Variants in ALMS1 observed in about 807,000 individuals in gnomAD.
The protein encoded by ALMS1 is centrosome-associated protein ALMS1.
Under a neutral mutation model 352.2 loss-of-function variants are expected in ALMS1, and 271 were observed. The observed-to-expected ratio is 0.77, with a 90% CI of 0.70 to 0.85. ALMS1 has a LOEUF of 0.85. ALMS1 is among the 40% of genes least tolerant of loss of function. The pLI, the probability that ALMS1 is intolerant of heterozygous loss-of-function variation, is 0.00. For missense variants in ALMS1, 5,445 were observed against 4,870.7 expected, an observed-to-expected ratio of 1.12 and a Z score of -3.51; for synonymous variants, 1,865 against 1,761.2, an observed-to-expected ratio of 1.06 and a Z score of -1.48.
chr2:73,553,586 T>C (rs907948530), intron 13 of ALMS1, among the ~76,000 whole-genome samples: 2 of 152,160 alleles, frequency 1.3e-5, no homozygotes, highest in African/African-American at 4.8e-5. Context: ...AAAGCAGAAG[T>C]TTGTAATAGA....
At chr2:73,495,154 T>G (rs1028969341) in intron 10 of ALMS1, among the ~76,000 whole-genome samples, 2 of 152,186 alleles carry the variant, frequency 1.3e-5, no homozygotes, top group African/African-American at 2.4e-5. Flanking sequence ...TAGAGCACTT[T>G]TAGGTTGGCT....
chr2:73,388,294 T>G (rs1343234161), intron 1 of ALMS1, among the ~76,000 whole-genome samples: 1 of 152,182 alleles, frequency 6.6e-6, no homozygotes, highest in African/African-American at 2.4e-5. Context: ...AATTTTAGAT[T>G]TGGGGGTACA....
chr2:73,439,451 A>G (rs1052347466), intron 7 of ALMS1, among the ~76,000 whole-genome samples: 34 of 151,902 alleles, frequency 2.2e-4, no homozygotes, highest in African/African-American at 7.5e-4. Context: ...CAACCTTACT[A>G]TGTCATTATG....
Position 73,451,724 on chromosome 2 carries a change from C to G in ALMS1, c.5197C>G (p.Gln1733Glu), listed in dbSNP as rs750136202. ...GGCCCTGCCAGACAGTGAGCTAACT[C>G]AAGAAGCTCTGAAAGTTTCAGCTGT... ...QQALPDSELT[Q>E]EALKVSAVPQ... The change falls in exon 8 of 23, where the codon CAA becomes GAA. Residue 1733 changes from glutamine (Q) to glutamate (E), a missense_variant. Transcript: ENST00000613296. 6.2e-7 allele frequency: 1 copy of G among 1,613,668 alleles called. No homozygotes were observed. The highest frequency in any genetic ancestry group is 1.7e-5 in the Admixed American group (1 of 59,980).
intron 9 of ALMS1, among the ~76,000 whole-genome samples, chr2:73,482,822 G>A (rs1429591955): frequency 2.6e-5 from 4 of 151,036 alleles, no homozygotes; most frequent in Non-Finnish European, 5.9e-5. Flanking sequence ...TGTATGTGTC[G>A]AGGAATTTAT....
intron 15 of ALMS1, among the ~76,000 whole-genome samples, chr2:73,569,278 G>A (rs994058270): frequency 2.0e-5 from 3 of 151,962 alleles, no homozygotes; most frequent in African/African-American, 4.8e-5. Flanking sequence ...GCCTTCCAAA[G>A]TGCTGGGATT....
chr2:73,515,517 A>G (rs1397545682), intron 10 of ALMS1, among the ~76,000 whole-genome samples: 2 of 152,092 alleles, frequency 1.3e-5, no homozygotes, highest in Non-Finnish European at 2.9e-5. Context: ...ATTTGCATCT[A>G]GAGGGACTAG....
chr2:73,557,149 G>C (rs1290903051), intron 13 of ALMS1, 71 bp from the exon 14 acceptor site: 1 of 1,596,904 alleles, frequency 6.3e-7, no homozygotes, highest in Non-Finnish European at 8.6e-7. Context: ...TTGTAATTGT[G>C]GGGGAGGATT....
intron 12 of ALMS1, among the ~76,000 whole-genome samples, chr2:73,536,395 T>C (rs1167150072): frequency 6.6e-6 from 1 of 152,100 alleles, no homozygotes; most frequent in East Asian, 1.9e-4. Flanking sequence ...ACTGGCACAC[T>C]GTATCCTGAT....
intron 10 of ALMS1, among the ~76,000 whole-genome samples, chr2:73,512,569 A>C (rs1673475103): frequency 6.6e-6 from 1 of 151,680 alleles, no homozygotes; most frequent in Non-Finnish European, 1.5e-5. Context: ...TTTACTGTTG[A>C]ATTTAGAGAA....
intron 21 of ALMS1, among the ~76,000 whole-genome samples, chr2:73,605,528 T>G (rs1675797307): frequency 6.6e-6 from 1 of 152,208 alleles, no homozygotes; most frequent in Non-Finnish European, 1.5e-5. Context: ...GTTTTCAGAT[T>G]CCACCTTGCA....
At chr2:73,463,780 C>A (rs540975807) in intron 9 of ALMS1, among the ~76,000 whole-genome samples, 2 of 144,080 alleles carry the variant, frequency 1.4e-5, no homozygotes, top group South Asian at 4.7e-4. Context: ...ACCGATCCCA[C>A]AGAAATACAA....
rs749176046 is a variant in ALMS1, at chr2:73,609,636, C to T, written c.*24C>T. On this transcript the variant is annotated 3_prime_UTR_variant, in exon 23 of 23. Transcript: ENST00000613296. ...GACACAAGTTTATTTTCCTCAGAGC[C>T]TTGGAATTCTATTTTATGAACCTAG... is the stretch of plus-strand genomic sequence containing the variant. The T allele has an allele frequency of 1.9e-6, 3 of 1,611,116 alleles. No individual in the cohort carries two copies. In the South Asian group the frequency reaches 3.3e-5, roughly 18 times the overall value.
At chr2:73,544,910 G>A (rs1674280413) in intron 12 of ALMS1, among the ~76,000 whole-genome samples, 1 of 152,182 alleles carries the variant, frequency 6.6e-6, no homozygotes, top group African/African-American at 2.4e-5. Context: ...CTACAACATG[G>A]ATGAACTCTG....
chr2:73,463,935 G>C (rs1672265924), intron 9 of ALMS1, among the ~76,000 whole-genome samples: 1 of 152,164 alleles, frequency 6.6e-6, no homozygotes, highest in African/African-American at 2.4e-5. Context: ...AACAGGATCT[G>C]AAATTGAGGC....
intron 8 of ALMS1, among the ~76,000 whole-genome samples, chr2:73,454,848 A>G (rs1263311046): frequency 6.6e-6 from 1 of 152,230 alleles, no homozygotes; most frequent in East Asian, 1.9e-4. Context: ...AATTATGAGT[A>G]ATTGTAGCAG....
intron 15 of ALMS1, among the ~76,000 whole-genome samples, chr2:73,566,930 A>G (rs1674813420): frequency 6.6e-6 from 1 of 152,218 alleles, no homozygotes; most frequent in Non-Finnish European, 1.5e-5. Context: ...ATACGCACGA[A>G]CAACCAAATG....
At chr2:73,388,989 T>G (rs1574425588) in intron 1 of ALMS1, among the ~76,000 whole-genome samples, 1 of 152,166 alleles carries the variant, frequency 6.6e-6, no homozygotes, top group African/African-American at 2.4e-5. Flanking sequence ...CAAATGGTAG[T>G]TCTGTTTTGA....
intron 16 of ALMS1, among the ~76,000 whole-genome samples, chr2:73,577,526 T>G (rs1675079324): frequency 6.6e-6 from 1 of 152,178 alleles, no homozygotes; most frequent in African/African-American, 2.4e-5. Flanking sequence ...TTGGGATTAT[T>G]CTTTAATGTA....
Sources: gnomAD v4.1 joint callset for allele counts (sites outside exome capture counted in the v4.1 genomes callset) on GRCh38, gnomAD v4.1.1 for gene constraint, MANE v1.5 for transcripts, NCBI Gene and HGNC (gene_info 2026-07-23, HGNC 2026-07-21) for gene names.